The following ODF2L variants were observed in gnomAD, a reference collection of about 807,000 sequenced individuals.
The protein encoded by ODF2L is protein BCAP.
Under a neutral mutation model 86.3 loss-of-function variants are expected in ODF2L, and 76 were observed. The observed-to-expected ratio is 0.88, with a 90% CI of 0.73 to 1.07. The LOEUF (loss-of-function observed/expected upper bound fraction) is 1.07, where lower values mean the gene tolerates loss of function less well. Among genes scored for constraint, ODF2L ranks in the 50% least tolerant of loss-of-function variants. The pLI is 0.00. For synonymous variants in ODF2L, 241 were observed against 231.3 expected (o/e 1.04, Z -0.38); for missense variants, 748 against 717.4 (o/e 1.04, Z -0.49).
chr1:86,356,180 C>G (rs1658546830), intron 14 of ODF2L, among the ~76,000 whole-genome samples: 1 of 152,184 alleles, frequency 6.6e-6, no homozygotes, highest in Non-Finnish European at 1.5e-5. Flanking sequence ...CTCCTTCTCT[C>G]ATTCTATTAC....
intron 10 of ODF2L, chr1:86,368,730 C>A: frequency 2.8e-6 from 4 of 1,409,978 alleles, no homozygotes; most frequent in African/African-American, 1.4e-5. Flanking sequence ...AAGCTAAAGA[C>A]AATACAACAA....
chr1:86,378,179 G>C (rs1570410846), intron 7 of ODF2L, among the ~76,000 whole-genome samples: 1 of 152,102 alleles, frequency 6.6e-6, no homozygotes, highest in Non-Finnish European at 1.5e-5. Flanking sequence ...AGATCTCTAG[G>C]GCAGTGGCAA....
rs549601649 is a variant in ODF2L, at chr1:86,372,488, T to A, written c.863A>T (p.Tyr288Phe). The change falls in exon 9 of 18, where the codon TAT becomes TTT. Residue 288 changes from tyrosine (Y) to phenylalanine (F), a missense_variant. Tyr to Phe is a conservative substitution (Grantham distance 22). Transcript: ENST00000317336. Reference sequence around the variant, plus strand: ...GGTTTTTTCTATCACAATTTTCTCATAATGACTTTTCCAGGCATTGGAAGC... The same window carrying A: ...GGTTTTTTCTATCACAATTTTCTCAAAATGACTTTTCCAGGCATTGGAAGC... 2.6e-6 allele frequency: 4 copies of A among 1,529,648 alleles called. No individual in the cohort carries two copies. In the South Asian group the frequency reaches 5.4e-5, roughly 21 times the overall value. The allele number at this position is 1,529,648 out of a possible 1,614,324, so 94.8% of individuals were successfully genotyped here.
chr1:86,392,146 T>C (rs534042429), intron 1 of ODF2L, among the ~76,000 whole-genome samples: 1 of 152,310 alleles, frequency 6.6e-6, no homozygotes, highest in South Asian at 2.1e-4. Flanking sequence ...TGATACCACC[T>C]TACTCCTGCA....
chr1:86,390,648 A>T (rs554063919), intron 1 of ODF2L, among the ~76,000 whole-genome samples: 1 of 152,140 alleles, frequency 6.6e-6, no homozygotes, highest in Non-Finnish European at 1.5e-5. Flanking sequence ...TATGATTAAA[A>T]CCCCCAGCAA....
chr1:86,362,573 G>A (rs1424738775), intron 11 of ODF2L, among the ~76,000 whole-genome samples: 1 of 152,188 alleles, frequency 6.6e-6, no homozygotes, highest in Non-Finnish European at 1.5e-5. Context: ...TGACAGGCAT[G>A]AGCCACCGTG....
In ODF2L at chr1:86,391,329, A is replaced by G. The variant is rs143708311; in HGVS notation, c.-59-4243T>C. Among the ~76,000 whole-genome samples, 455 of 152,324 alleles carry G rather than the reference A, an allele frequency of 3.0e-3. 4 individuals are homozygous for G. Among genetic ancestry groups the G allele is most frequent in the African/African-American group, 0.011 (439 of 41,584 alleles). On this transcript the variant is annotated intron_variant, in intron 1 of 17. Transcript: ENST00000317336. Reference sequence around the variant, plus strand: ...CCATCATCACTCTTCACAGAACTAGAAAAAACAATTCTGAAATTCACTTGG... The same window carrying G: ...CCATCATCACTCTTCACAGAACTAGGAAAAACAATTCTGAAATTCACTTGG...
At chr1:86,371,781 T>C (rs903037830) in intron 9 of ODF2L, among the ~76,000 whole-genome samples, 1 of 152,196 alleles carries the variant, frequency 6.6e-6, no homozygotes, top group Non-Finnish European at 1.5e-5. Context: ...TTTTCACACA[T>C]TCTTGTTTAA....
chr1:86,386,405 T>A (rs1197315087), intron 2 of ODF2L: 3 of 152,294 alleles, frequency 2.0e-5, no homozygotes, highest in African/African-American at 7.3e-5. Context: ...AGATGGAGTC[T>A]CGCTCTGTCA....
intron 1 of ODF2L, among the ~76,000 whole-genome samples, chr1:86,394,019 A>G (rs1442307151): frequency 6.6e-6 from 1 of 152,246 alleles, no homozygotes; most frequent in Non-Finnish European, 1.5e-5. Flanking sequence ...CCAGACAAAC[A>G]TAAAGCATAT....
exon 17 of ODF2L, chr1:86,352,962 A>G: frequency 2.6e-6 from 4 of 1,522,732 alleles, no homozygotes; most frequent in Non-Finnish European, 3.6e-6. Flanking sequence ...TCTAGATGAC[A>G]TTTTCTCTAT....
At chr1:86,388,603 C>G (rs1661104722) in intron 1 of ODF2L, among the ~76,000 whole-genome samples, 1 of 151,528 alleles carries the variant, frequency 6.6e-6, no homozygotes, top group Non-Finnish European at 1.5e-5. Context: ...CTTGATTTGT[C>G]TTTTCAGGGA....
At chr1:86,356,915 A>G (rs1412361094) in intron 13 of ODF2L, among the ~76,000 whole-genome samples, 1 of 152,226 alleles carries the variant, frequency 6.6e-6, no homozygotes. Flanking sequence ...ATTATCACTA[A>G]TAACCATTAC....
intron 7 of ODF2L, among the ~76,000 whole-genome samples, chr1:86,381,359 T>C (rs1660573325): frequency 6.6e-6 from 1 of 152,050 alleles, no homozygotes; most frequent in African/African-American, 2.4e-5. Flanking sequence ...CAATACCAAG[T>C]CCAGTTCATC....
At chr1:86,351,391 G>T (rs272495) in exon 18 of ODF2L, 107,187 of 152,016 alleles carry the variant, frequency 0.71, 38,159 homozygotes, top group East Asian at 0.83. Context: ...ATGTCAAACA[G>T]CAGATGGTTG....
chr1:86,353,781 G>A (rs1658325326), intron 16 of ODF2L, among the ~76,000 whole-genome samples: 1 of 152,184 alleles, frequency 6.6e-6, no homozygotes. Flanking sequence ...ATGGGAGAAA[G>A]GGCCTTTAGG....
chr1:86,385,525 A>C (rs1291588142), exon 3 of ODF2L: 1 of 1,605,924 alleles, frequency 6.2e-7, no homozygotes, highest in African/African-American at 1.3e-5. Flanking sequence ...AGAATGAGTT[A>C]CCAACTCCGC....
chr1:86,354,569 G>A (rs752878518), exon 16 of ODF2L: 1 of 1,608,848 alleles, frequency 6.2e-7, no homozygotes, highest in South Asian at 1.1e-5. Context: ...CCAGTTGTCT[G>A]GCCAATGCTG....
Position 86,352,895 on chromosome 1 carries a change from AT to A in ODF2L, c.1856del (p.Asn619MetfsTer11). The stretch of plus-strand genomic sequence containing the variant: ...TGCAAACAAGTTGATTTTGTTCTTC[AT>A]TTTTCTTTCTAAGCTCAGTTTCCAG... On this transcript the variant is annotated frameshift_variant, in exon 17 of 18. Coordinates refer to ENST00000317336, the Ensembl canonical transcript of ODF2L. LOFTEE classifies it high-confidence loss of function. 1 of 1,553,456 alleles carries A rather than the reference AT, an allele frequency of 6.4e-7. No homozygotes were observed. The highest frequency in any genetic ancestry group is 1.4e-5 in the African/African-American group (1 of 73,244).
Sources: gnomAD v4.1 joint callset for allele counts (sites outside exome capture counted in the v4.1 genomes callset) on GRCh38, gnomAD v4.1.1 for gene constraint, MANE v1.5 for transcripts, NCBI Gene and HGNC (gene_info 2026-07-23, HGNC 2026-07-21) for gene names.